Variants in PHF14 observed in about 807,000 individuals in gnomAD.
PHF14 encodes PHD finger protein 14.
PHF14 carries 55 observed loss-of-function variants against 117.9 expected under a neutral mutation model. That is an observed-to-expected ratio of 0.47 (90% CI 0.38 to 0.58). The LOEUF (loss-of-function observed/expected upper bound fraction) is 0.58. Among genes scored for constraint, PHF14 ranks in the 20% least tolerant of loss-of-function variants. The pLI, the probability that PHF14 is intolerant of heterozygous loss-of-function variation, is 0.00. For missense variants in PHF14, 978 were observed against 1,122.2 expected (o/e 0.87, Z 1.84); for synonymous variants, 409 against 368.6 (o/e 1.11, Z -1.26).
At chr7:11,095,143 G>A in intron 16 of PHF14, among the ~76,000 whole-genome samples, 1 of 152,114 alleles carries the variant, frequency 6.6e-6, no homozygotes, top group East Asian at 1.9e-4. Context: ...TGGTTGAGTT[G>A]AACTCATAGT....
At chr7:11,098,244 T>C (rs184967329) in intron 16 of PHF14, among the ~76,000 whole-genome samples, 100 of 152,338 alleles carry the variant, frequency 6.6e-4, no homozygotes, top group Admixed American at 2.5e-3. Context: ...GCTGAAAATA[T>C]CAGAATATTT....
At chr7:11,089,165 G>A (rs1583455101) in intron 16 of PHF14, among the ~76,000 whole-genome samples, 1 of 151,310 alleles carries the variant, frequency 6.6e-6, no homozygotes, top group Non-Finnish European at 1.5e-5. Context: ...CCTTTTATCA[G>A]GAGCAACCAT....
chr7:11,007,195 C>CAA (rs1038994255), intron 4 of PHF14, among the ~76,000 whole-genome samples: 1 of 142,946 alleles, frequency 7.0e-6, no homozygotes, highest in African/African-American at 2.6e-5. Flanking sequence ...CTCCGTCTCA[C>CAA]AAAAAAAAAA....
rs562131569 is a variant in PHF14 at position 10,976,453 on chromosome 7, A to T, written c.112+1508A>T. On this transcript the variant is annotated intron_variant, in intron 2 of 17. Coordinates refer to ENST00000634607, the MANE Select transcript of PHF14 (RefSeq NM_001007157.2). ...GTTGTGGTTGTAAACTTTGACAAAC[A>T]TAGTTGGGTCGTGGAAGTTACGAAT... Among the ~76,000 whole-genome samples, 7 of 152,188 alleles carry T rather than the reference A, an allele frequency of 4.6e-5. No individual in the cohort carries two copies. In the East Asian group the frequency reaches 1.3e-3, roughly 29 times the overall value.
intron 11 of PHF14, among the ~76,000 whole-genome samples, chr7:11,039,334 T>A (rs2128323199): frequency 6.6e-6 from 1 of 152,282 alleles, no homozygotes; most frequent in East Asian, 1.9e-4. Context: ...GTATAAGAGA[T>A]GGTTTTTTAA....
chr7:11,142,210 A>G (rs1231947101), intron 17 of PHF14, among the ~76,000 whole-genome samples: 2 of 152,074 alleles, frequency 1.3e-5, no homozygotes, highest in East Asian at 3.8e-4. Flanking sequence ...TTATCCCAAC[A>G]TATAAAATTA....
At chr7:11,103,683 G>A (rs1787167106) in intron 16 of PHF14, 1 of 984,848 alleles carries the variant, frequency 1.0e-6, no homozygotes, top group East Asian at 1.1e-4. Context: ...ATGGAAAATA[G>A]TTTAAACTTT....
At position 11,037,057 on chromosome 7, in the gene PHF14, A is replaced by G. The variant is rs1353170230; in HGVS notation, c.1946A>G (p.Asn649Ser). The part of the protein sequence containing the change: ...EQKNIKDKLE[N>S]EQEKLHVEYN... ...AAGAATATAAAAGATAAATTAGAGA[A>G]TGAACAAGAAAAGCTTCATGTAGAA... The change falls in exon 10 of 18, where the codon AAT (asparagine) becomes AGT (serine). Residue 649 changes from asparagine to serine, a missense_variant. Physicochemically the swap from Asn to Ser is conservative, Grantham distance 46. Transcript: ENST00000634607. 6.6e-7 allele frequency: 1 copy of G among 1,504,808 alleles called. No homozygotes were observed. The highest frequency in any genetic ancestry group is 1.4e-5 in the African/African-American group (1 of 72,250). 93.2% of individuals were successfully genotyped at this position (1,504,808 alleles called of 1,614,324 possible). A position where few individuals can be genotyped will look rare whatever the true frequency, so the allele number is the denominator to read the frequency against.
chr7:11,071,271 TC>T (rs1166960518), intron 16 of PHF14: 2 of 518,640 alleles, frequency 3.9e-6, no homozygotes, highest in South Asian at 2.8e-5. Context: ...TGTTCCCAAG[TC>T]CATGTTACCT....
chr7:11,126,559 G>A (rs957414028), intron 17 of PHF14, among the ~76,000 whole-genome samples: 6 of 151,686 alleles, frequency 4.0e-5, no homozygotes, highest in African/African-American at 1.5e-4. Context: ...TTCTCTCTTC[G>A]TTATTTAGCT....
chr7:11,061,564 A>G, intron 14 of PHF14: 1 of 312,400 alleles, frequency 3.2e-6, no homozygotes. Flanking sequence ...TGTTTATTTA[A>G]AAGTAAAGTA....
intron 6 of PHF14, among the ~76,000 whole-genome samples, chr7:11,026,109 CAAA>C (rs142566001): frequency 2.0e-3 from 113 of 55,688 alleles, no homozygotes; most frequent in Middle Eastern, 0.01. Flanking sequence ...GAGACTCCAT[CAAA>C]AAAAAAAAAA....
intron 17 of PHF14, among the ~76,000 whole-genome samples, chr7:11,139,885 G>T (rs1221393440): frequency 6.6e-6 from 1 of 152,026 alleles, no homozygotes; most frequent in African/African-American, 2.4e-5. Flanking sequence ...ATGCATCATT[G>T]TGACCAGCAA....
chr7:11,065,143 C>T (rs191519263), intron 16 of PHF14, among the ~76,000 whole-genome samples: 1 of 152,148 alleles, frequency 6.6e-6, no homozygotes, highest in East Asian at 1.9e-4. Context: ...TTTACAGCAT[C>T]TCAGGCAATT....
At chr7:10,976,395 T>C (rs1202293596) in intron 2 of PHF14, among the ~76,000 whole-genome samples, 1 of 152,184 alleles carries the variant, frequency 6.6e-6, no homozygotes, top group Non-Finnish European at 1.5e-5. Context: ...GATAAGAATA[T>C]TCCTGGCTAG....
intron 16 of PHF14, among the ~76,000 whole-genome samples, chr7:11,092,872 CT>C (rs1028356371): frequency 2.1e-4 from 32 of 152,160 alleles, no homozygotes; most frequent in African/African-American, 7.5e-4. Flanking sequence ...ATTAAAAGCT[CT>C]TTTTGTAAAG....
chr7:11,051,867 C>T, intron 14 of PHF14, 87 bp downstream of exon 14: 1 of 1,084,796 alleles, frequency 9.2e-7, no homozygotes, highest in Non-Finnish European at 1.3e-6. Context: ...CAAACATATA[C>T]TCAGAAGTCA....
chr7:10,977,462 A>G (rs1781906945), intron 2 of PHF14, among the ~76,000 whole-genome samples: 1 of 152,050 alleles, frequency 6.6e-6, no homozygotes, highest in South Asian at 2.1e-4. Context: ...GTTTGGTTTT[A>G]AGAATAAATA....
chr7:11,145,147 C>T (rs1788509774), intron 17 of PHF14, among the ~76,000 whole-genome samples: 1 of 151,538 alleles, frequency 6.6e-6, no homozygotes, highest in Admixed American at 6.6e-5. Context: ...AAAAAAAAAC[C>T]CTCGGGAGGG....
Sources: gnomAD v4.1 joint callset for allele counts (sites outside exome capture counted in the v4.1 genomes callset) on GRCh38, gnomAD v4.1.1 for gene constraint, MANE v1.5 for transcripts, NCBI Gene and HGNC (gene_info 2026-07-23, HGNC 2026-07-21) for gene names.